Variants in DCX observed in about 807,000 individuals in gnomAD.
The protein encoded by DCX is doublecortin, also known as neuronal migration protein doublecortin.
A neutral mutation model predicts 20.9 loss-of-function variants in DCX; 4 were observed. The ratio of observed to expected loss-of-function variants is 0.19; its 90% CI spans 0.09 to 0.44. The LOEUF (loss-of-function observed/expected upper bound fraction) is 0.44, where lower values mean the gene tolerates loss of function less well. Ranked by LOEUF, DCX falls within the 20% of genes least tolerant of loss-of-function variation. The pLI is 0.99. For synonymous variants in DCX, 103 were observed against 111.4 expected (o/e 0.92, Z 0.47); for missense variants, 133 against 296.9 (o/e 0.45, Z 4.06).
At chrX:111,327,526 ACT>A (rs1446158941) in intron 5 of DCX, among the ~76,000 whole-genome samples, 1 of 112,303 alleles carries the variant, frequency 8.9e-6, no homozygotes, top group East Asian at 2.8e-4. Context: ...CTATTTTACA[ACT>A]CTGTAAATTG....
At chrX:111,369,383 A>T (rs760459384) in intron 3 of DCX, among the ~76,000 whole-genome samples, 2 of 111,985 alleles carry the variant, frequency 1.8e-5, no homozygotes, top group South Asian at 7.5e-4. Context: ...GTATATTCTC[A>T]AAGTTGTGCA....
At chrX:111,306,222 A>T (rs1488895393) in intron 6 of DCX, among the ~76,000 whole-genome samples, 1 of 111,529 alleles carries the variant, frequency 9.0e-6, no homozygotes, top group Non-Finnish European at 1.9e-5. Context: ...AATATGTTGA[A>T]AGTAAAATGA....
chrX:111,371,159 G>A (rs1289802260), intron 3 of DCX, among the ~76,000 whole-genome samples: 1 of 112,142 alleles, frequency 8.9e-6, no homozygotes, highest in African/African-American at 3.2e-5. Flanking sequence ...TGCATAAACT[G>A]TAAGTATGTC....
At chrX:111,309,656 G>C (rs906927358) in intron 6 of DCX, among the ~76,000 whole-genome samples, 1 of 111,680 alleles carries the variant, frequency 9.0e-6, no homozygotes, top group Non-Finnish European at 1.9e-5. Context: ...TCTAATCACA[G>C]AGAAACATCA....
chrX:111,345,845 T>C (rs1268585764), intron 3 of DCX, among the ~76,000 whole-genome samples: 1 of 112,034 alleles, frequency 8.9e-6, no homozygotes, highest in Non-Finnish European at 1.9e-5. Flanking sequence ...GTTGAACTAA[T>C]TTACATTCCC....
intron 3 of DCX, among the ~76,000 whole-genome samples, chrX:111,335,666 G>A (rs1921648266): frequency 8.9e-6 from 1 of 112,603 alleles, no homozygotes; most frequent in African/African-American, 3.2e-5. Flanking sequence ...GAAAAGTCTA[G>A]GCCAGGTGCA....
In DCX at chrX:111,364,270, T is replaced by A. The variant is rs1435832368; in HGVS notation, c.706-31117A>T. 2.7e-5 allele frequency among the ~76,000 whole-genome samples: 3 copies of A among 111,900 alleles called. No homozygotes were observed. In the East Asian group the frequency reaches 8.4e-4, roughly 31 times the overall value. On this transcript the variant is annotated intron_variant, in intron 3 of 6. Transcript: ENST00000636035. ...TGTTCTTAAAACTATTGGAAGGCCCTTATAATACAAAAGTGAGCAAAGGAG... is the reference window on the plus strand; with the variant it reads ...TGTTCTTAAAACTATTGGAAGGCCCATATAATACAAAAGTGAGCAAAGGAG...
chrX:111,324,693 A>G (rs965539723), intron 5 of DCX, among the ~76,000 whole-genome samples: 5 of 112,437 alleles, frequency 4.4e-5, no homozygotes, highest in Non-Finnish European at 7.5e-5. Flanking sequence ...TAGGAGCTAT[A>G]TAAGTATTTG....
chrX:111,348,329 T>G (rs995713121), intron 3 of DCX, among the ~76,000 whole-genome samples: 6 of 112,160 alleles, frequency 5.3e-5, no homozygotes, highest in African/African-American at 1.9e-4. Context: ...AATAAGACTT[T>G]CTACCCTATT....
intron 3 of DCX, among the ~76,000 whole-genome samples, chrX:111,386,173 AT>A (rs753985632): frequency 2.7e-5 from 3 of 109,461 alleles, no homozygotes; most frequent in South Asian, 4.0e-4. Context: ...GATTTAAACA[AT>A]TTTTTTTTCT....
chrX:111,399,128 T>C (rs1171083111), intron 3 of DCX, among the ~76,000 whole-genome samples: 1 of 110,459 alleles, frequency 9.1e-6, no homozygotes, highest in Non-Finnish European at 1.9e-5. Flanking sequence ...AGTAAATAAA[T>C]AAATAAATAA....
At chrX:111,409,317 T>C (rs1265281990) in intron 2 of DCX, among the ~76,000 whole-genome samples, 1 of 111,404 alleles carries the variant, frequency 9.0e-6, no homozygotes, top group African/African-American at 3.3e-5. Context: ...GTTGTTGGGA[T>C]TTTTGGCAAT....
In DCX at chrX:111,401,287, C is replaced by T; in HGVS notation, c.408G>A (p.Val136=). ...TGGGATTGACATTCTTGGTGTACTCCACCTTTTTAAAGAAGTTGTCTGAGG... is the reference window on the plus strand; with the variant it reads ...TGGGATTGACATTCTTGGTGTACTCTACCTTTTTAAAGAAGTTGTCTGAGG... ...VCSSDNFFKK[V]EYTKNVNPNW... Residue 136 remains valine (V), a synonymous_variant, in exon 3 of 7, where the codon GTG becomes GTA. Transcript: ENST00000636035. 8.3e-7 allele frequency: 1 copy of T among 1,211,624 alleles called. No homozygotes were observed. The highest frequency in any genetic ancestry group is 1.1e-6 in the Non-Finnish European group (1 of 895,433).
At chrX:111,397,665 C>T (rs1211832408) in intron 3 of DCX, among the ~76,000 whole-genome samples, 1 of 111,746 alleles carries the variant, frequency 8.9e-6, no homozygotes, top group Non-Finnish European at 1.9e-5. Flanking sequence ...TGTGGTCACC[C>T]TGTGCATACC....
chrX:111,393,271 T>G (rs1435266674), intron 3 of DCX, among the ~76,000 whole-genome samples: 1 of 111,454 alleles, frequency 9.0e-6, no homozygotes, highest in Non-Finnish European at 1.9e-5. Context: ...AAATCAGATA[T>G]CTATGTGCCC....
intron 5 of DCX, among the ~76,000 whole-genome samples, chrX:111,321,409 T>A (rs982915438): frequency 8.9e-6 from 1 of 112,026 alleles, no homozygotes; most frequent in Non-Finnish European, 1.9e-5. Context: ...CTTGCCTTTG[T>A]ACTCATCTTT....
At chrX:111,322,894 G>A (rs1331504449) in intron 5 of DCX, among the ~76,000 whole-genome samples, 1 of 112,171 alleles carries the variant, frequency 8.9e-6, no homozygotes, top group Middle Eastern at 4.6e-3. Flanking sequence ...ACAGCATGAA[G>A]TTATGAATCC....
chrX:111,349,879 G>A (rs1923162418), intron 3 of DCX, among the ~76,000 whole-genome samples: 1 of 111,489 alleles, frequency 9.0e-6, no homozygotes, highest in Non-Finnish European at 1.9e-5. Flanking sequence ...GATTACAAAA[G>A]TATGGGCAGG....
intron 6 of DCX, among the ~76,000 whole-genome samples, chrX:111,311,651 A>G (rs1037869293): frequency 1.8e-5 from 2 of 112,122 alleles, no homozygotes; most frequent in Non-Finnish European, 3.8e-5. Flanking sequence ...TTATAGCTAG[A>G]TATGTTACCC....
Sources: gnomAD v4.1 joint callset for allele counts (sites outside exome capture counted in the v4.1 genomes callset) on GRCh38, gnomAD v4.1.1 for gene constraint, MANE v1.5 for transcripts, NCBI Gene and HGNC (gene_info 2026-07-23, HGNC 2026-07-21) for gene names.